PKIB: variants seen among roughly 807,000 people sequenced by gnomAD.
PKIB encodes the protein cAMP-dependent protein kinase inhibitor beta.
In PKIB, 2 loss-of-function variants were observed where a neutral mutation model predicts 4.5. The ratio of observed to expected loss-of-function variants is 0.44; its 90% confidence interval spans 0.18 to 1.39. The LOEUF (loss-of-function observed/expected upper bound fraction) is 1.39. PKIB is among the 40% of genes most tolerant of loss of function. The probability of loss-of-function intolerance (pLI) is 0.27; values close to 1 mark genes in which losing one functional copy is unlikely to be tolerated. For synonymous variants in PKIB, 38 were observed against 36.0 expected (o/e 1.06, Z -0.20); for missense variants, 94 against 92.6 (o/e 1.02, Z -0.06).
intron 2 of PKIB, among the ~76,000 whole-genome samples, chr6:122,518,971 C>T (rs1431072761): frequency 1.3e-5 from 2 of 152,076 alleles, no homozygotes; most frequent in Non-Finnish European, 2.9e-5. Flanking sequence ...GGGAATGTAC[C>T]ATCTAGAGGA....
chr6:122,521,128 A>T (rs1274160143), intron 2 of PKIB, among the ~76,000 whole-genome samples: 1 of 152,146 alleles, frequency 6.6e-6, no homozygotes, highest in Non-Finnish European at 1.5e-5. Context: ...GGTGCATCTC[A>T]TCGATTTGCT....
chr6:122,582,219 C>T (rs1235926818), intron 2 of PKIB, among the ~76,000 whole-genome samples: 1 of 151,882 alleles, frequency 6.6e-6, no homozygotes, highest in Non-Finnish European at 1.5e-5. Context: ...TTAAGCAGGG[C>T]TGGAATGTCT....
intron 3 of PKIB, among the ~76,000 whole-genome samples, chr6:122,684,448 T>G (rs1778018553): frequency 6.6e-6 from 1 of 152,104 alleles, no homozygotes; most frequent in East Asian, 1.9e-4. Context: ...ACATCTACCT[T>G]TCTCTTTCAC....
chr6:122,726,284 C>T lies in PKIB; in HGVS notation c.*1089C>T, dbSNP rs1420956546. On this transcript the variant is annotated 3_prime_UTR_variant, in exon 5 of 5. Coordinates refer to ENST00000368452, the MANE Select transcript of PKIB (RefSeq NM_181795.3). ...TTTCATTTTCAGAAATATATGCATG[C>T]AGTTATGTTTTATTTGATTGTTGAC... is the stretch of plus-strand genomic sequence containing the variant. 3 of 151,934 alleles carry T rather than the reference C, an allele frequency of 2.0e-5. No homozygotes were observed. Among genetic ancestry groups the T allele is most frequent in the Non-Finnish European group, 4.4e-5 (3 of 67,942 alleles). 9.4% of individuals were successfully genotyped at this position (151,934 alleles called of 1,614,324 possible).
chr6:122,553,046 A>G (rs1772726800), intron 2 of PKIB, among the ~76,000 whole-genome samples: 1 of 151,978 alleles, frequency 6.6e-6, no homozygotes, highest in African/African-American at 2.4e-5. Context: ...ATTCTTTATT[A>G]TAAACTCTCC....
intron 3 of PKIB, among the ~76,000 whole-genome samples, chr6:122,716,694 C>T (rs1779511609): frequency 6.6e-6 from 1 of 152,062 alleles, no homozygotes; most frequent in South Asian, 2.1e-4. Flanking sequence ...TTTAGCATTT[C>T]CTGAATTGAA....
intron 2 of PKIB, among the ~76,000 whole-genome samples, chr6:122,658,548 A>G (rs1776860405): frequency 6.6e-6 from 1 of 152,074 alleles, no homozygotes; most frequent in East Asian, 1.9e-4. Flanking sequence ...TGTATTCTAA[A>G]GCTTGAAATT....
At chr6:122,652,312 GT>G (rs1776588059) in intron 2 of PKIB, among the ~76,000 whole-genome samples, 1 of 122,602 alleles carries the variant, frequency 8.2e-6, no homozygotes, top group Admixed American at 9.2e-5. Flanking sequence ...GTGTGTGTGT[GT>G]GTGTGTGTGT....
chr6:122,546,080 G>T (rs1772484945), intron 2 of PKIB, among the ~76,000 whole-genome samples: 1 of 151,930 alleles, frequency 6.6e-6, no homozygotes, highest in South Asian at 2.1e-4. Context: ...GTAAATAGAG[G>T]GTGTCTTAGT....
At chr6:122,531,356 C>T (rs1042197946) in intron 2 of PKIB, 4 of 152,058 alleles carry the variant, frequency 2.6e-5, no homozygotes, top group African/African-American at 7.3e-5. Flanking sequence ...TTCAGGCACA[C>T]AAAGAGTAAC....
intron 2 of PKIB, among the ~76,000 whole-genome samples, chr6:122,642,952 AG>A (rs1182220600): frequency 6.6e-6 from 1 of 152,206 alleles, no homozygotes; most frequent in East Asian, 1.9e-4. Flanking sequence ...AAACTAGTAT[AG>A]CTCCTAGGAT....
At chr6:122,521,619 G>A (rs1456598262) in intron 2 of PKIB, among the ~76,000 whole-genome samples, 1 of 152,090 alleles carries the variant, frequency 6.6e-6, no homozygotes, top group East Asian at 1.9e-4. Flanking sequence ...GGCGGAGCTT[G>A]CAGTGAGCTG....
chr6:122,534,038 C>T (rs1258702416), intron 2 of PKIB, among the ~76,000 whole-genome samples: 1 of 151,730 alleles, frequency 6.6e-6, no homozygotes, highest in South Asian at 2.1e-4. Context: ...ATATAAACTT[C>T]ATCTGTGACC....
At chr6:122,661,200 A>G (rs933665602) in intron 2 of PKIB, among the ~76,000 whole-genome samples, 4 of 152,174 alleles carry the variant, frequency 2.6e-5, no homozygotes, top group African/African-American at 9.7e-5. Context: ...TTAACTTAAA[A>G]AAAACTTTAT....
intron 3 of PKIB, among the ~76,000 whole-genome samples, chr6:122,695,795 T>A (rs1197835850): frequency 6.6e-6 from 1 of 152,190 alleles, no homozygotes; most frequent in Non-Finnish European, 1.5e-5. Flanking sequence ...GCAAGTTTCT[T>A]AATATCTAAA....
At chr6:122,585,663 A>C (rs1367143645) in intron 2 of PKIB, 2 of 152,160 alleles carry the variant, frequency 1.3e-5, no homozygotes, top group Non-Finnish European at 2.9e-5. Context: ...GTAAGTGAAC[A>C]CTGCAAATTA....
At chr6:122,721,536 C>T (rs1344212477) in intron 4 of PKIB, among the ~76,000 whole-genome samples, 2 of 152,006 alleles carry the variant, frequency 1.3e-5, no homozygotes, top group Non-Finnish European at 2.9e-5. Context: ...TTTATTTGGC[C>T]ATCTCTGAAG....
chr6:122,500,591 T>TA (rs1370632093), intron 2 of PKIB, among the ~76,000 whole-genome samples: 2 of 152,180 alleles, frequency 1.3e-5, no homozygotes, highest in East Asian at 3.8e-4. Flanking sequence ...ATTAAGAACT[T>TA]ACCCCTACTC....
At chr6:122,608,363 A>T (rs1350064298), upstream of PKIB, among the ~76,000 whole-genome samples, 1 of 152,222 alleles carries the variant, frequency 6.6e-6, no homozygotes. Flanking sequence ...CATATATTTG[A>T]CACAAATTCA....
Sources: allele counts gnomAD v4.1 joint callset (sites outside exome capture counted in the v4.1 genomes callset), GRCh38; gene constraint gnomAD v4.1.1; transcripts MANE v1.5; gene names NCBI Gene and HGNC (gene_info 2026-07-23, HGNC 2026-07-21).